Variants in ECSCR observed in about 807,000 individuals in gnomAD.
ECSCR encodes endothelial cell-specific chemotaxis regulator.
ECSCR carries 12 observed loss-of-function variants against 16.7 expected under a neutral mutation model. That is an observed-to-expected ratio of 0.72 (90% CI 0.46 to 1.17). The LOEUF (loss-of-function observed/expected upper bound fraction) is 1.17. Among genes scored for constraint, ECSCR ranks in the 50% most tolerant of loss-of-function variants. ECSCR has a pLI of 0.00. For missense variants in ECSCR, 122 were observed against 116.1 expected (o/e 1.05, Z -0.23); for synonymous variants, 44 against 42.2 (o/e 1.04, Z -0.17).
chr5:139,460,132 TG>T (rs1751262208), intron 1 of ECSCR, among the ~76,000 whole-genome samples: 1 of 150,692 alleles, frequency 6.6e-6, no homozygotes. Flanking sequence ...ATGTATTTTT[TG>T]TTTTTTTTTT....
At chr5:139,451,374 T>TA (rs1368838613) in intron 8 of ECSCR, among the ~76,000 whole-genome samples, 1 of 150,412 alleles carries the variant, frequency 6.6e-6, no homozygotes, top group East Asian at 1.9e-4. Flanking sequence ...ATGTGTTTTT[T>TA]ATGTGGTGTG....
chr5:139,454,063 G>GAAGTGTA, intron 8 of ECSCR, among the ~76,000 whole-genome samples: 1 of 146,560 alleles, frequency 6.8e-6, no homozygotes. Context: ...TGTGTGTAGT[G>GAAGTGTA]GGGTGTGTGG....
At chr5:139,461,489 G>A (rs1751302390) in intron 1 of ECSCR, among the ~76,000 whole-genome samples, 1 of 152,164 alleles carries the variant, frequency 6.6e-6, no homozygotes, top group South Asian at 2.1e-4. Context: ...CCGACACAGG[G>A]CATTTGAGAG....
In ECSCR at chr5:139,457,760, G is replaced by A. The variant is rs1024419719; in HGVS notation, c.154C>T (p.Pro52Ser). The change falls in exon 3 of 10, where the codon CCA becomes TCA. Residue 52 changes from proline to serine, a missense_variant. Physicochemically the swap from Pro to Ser is moderately conservative, Grantham distance 74. Transcript: ENST00000618155. ...SLTTEPVSSN[P>S]GYIPSSEANR... ...CTCAGCAACCACACTCACTCACCTG[G>A]GTTGGAAGAAACTGGCTCTGTGGTC... The A allele has an allele frequency of 1.9e-6, 3 of 1,612,972 alleles. No homozygotes were observed. The highest frequency in any genetic ancestry group is 2.5e-6 in the Non-Finnish European group (3 of 1,179,470).
At chr5:139,452,352 G>GGTGTGGT (rs1751079602) in intron 8 of ECSCR, among the ~76,000 whole-genome samples, 1 of 151,204 alleles carries the variant, frequency 6.6e-6, no homozygotes, top group East Asian at 2.0e-4. Context: ...ATGTGTGTGG[G>GGTGTGGT]GTGTGGTGTG....
chr5:139,458,278 G>A, intron 1 of ECSCR, 95 bp from the exon 2 acceptor site: 1 of 1,206,880 alleles, frequency 8.3e-7, no homozygotes, highest in South Asian at 1.4e-5. Flanking sequence ...CCCAGCCTGG[G>A]CAACATAGCA....
chr5:139,450,019 C>T (rs1307782326), intron 8 of ECSCR, among the ~76,000 whole-genome samples: 1 of 151,994 alleles, frequency 6.6e-6, no homozygotes, highest in Admixed American at 6.5e-5. Flanking sequence ...CTCAGCTTCC[C>T]GAGTAGCTGG....
At chr5:139,458,990 A>G (rs1388904995) in intron 1 of ECSCR, among the ~76,000 whole-genome samples, 1 of 152,190 alleles carries the variant, frequency 6.6e-6, no homozygotes, top group Non-Finnish European at 1.5e-5. Context: ...CTGTGACTCA[A>G]TAGCAACATC....
intron 3 of ECSCR, 26 bp downstream of exon 3, chr5:139,457,731 G>A (rs1182175994): frequency 1.2e-6 from 2 of 1,613,310 alleles, no homozygotes; most frequent in South Asian, 1.1e-5. Context: ...GCAGGAGCAG[G>A]GACCTCAGCA....
rs975586071 is a variant in ECSCR, at chr5:139,455,453, T to G, written c.263-17A>C. On this transcript the variant is annotated splice_polypyrimidine_tract_variant and intron_variant, in intron 5 of 9. Transcript: ENST00000618155. ...GAAATGTGTCTAAAATGGAGTGGAG[T>G]CAGGGGCATCAGCGAAGGGGACTGA... The G allele has an allele frequency of 7.5e-6, 3 of 397,808 alleles. No individual in the cohort carries two copies. Among genetic ancestry groups the G allele is most frequent in the Non-Finnish European group, 1.3e-5 (3 of 225,774 alleles). The allele number at this position is 397,808 out of a possible 1,614,324, so 24.6% of individuals were successfully genotyped here.
At chr5:139,451,798 G>C (rs1332787051) in intron 8 of ECSCR, among the ~76,000 whole-genome samples, 3 of 148,966 alleles carry the variant, frequency 2.0e-5, no homozygotes, top group Non-Finnish European at 1.5e-5. Context: ...GGGTGGGTAT[G>C]GTGTGGGTGG....
At position 139,457,642 on chromosome 5, in the gene ECSCR, G is replaced by T. The variant is rs1329702855; in HGVS notation, c.158-38C>A. 9 of 1,143,110 alleles carry T rather than the reference G, an allele frequency of 7.9e-6. No individual in the cohort carries two copies. In the East Asian group the frequency reaches 1.4e-4, roughly 18 times the overall value. The allele number at this position is 1,143,110 out of a possible 1,614,324, so 70.8% of individuals were successfully genotyped here. ...AGGCAGATAGGGAGTGGGAGGTGGG[G>T]TAGGTTTGGTGACACCACACTCCCT... On this transcript the variant is annotated intron_variant, in intron 3 of 9. Coordinates refer to ENST00000618155, the MANE Select transcript of ECSCR (RefSeq NM_001077693.4).
At chr5:139,458,101 G>A (rs1561476404) in intron 2 of ECSCR, 38 bp downstream of exon 2, 6 of 1,540,400 alleles carry the variant, frequency 3.9e-6, no homozygotes, top group South Asian at 1.2e-5. Flanking sequence ...AAGCTCCTAG[G>A]CCTACACGCT....
chr5:139,456,273 AG>A (rs1751157415), intron 5 of ECSCR, among the ~76,000 whole-genome samples, 200 bp downstream of exon 5: 1 of 152,194 alleles, frequency 6.6e-6, no homozygotes, highest in African/African-American at 2.4e-5. Flanking sequence ...AACAAAAAAA[AG>A]GTGCTATGTC....
At chr5:139,456,258 T>C (rs1008344668) in intron 5 of ECSCR, among the ~76,000 whole-genome samples, 12 of 150,116 alleles carry the variant, frequency 8.0e-5, no homozygotes, top group Non-Finnish European at 1.3e-4. Context: ...ACAAGACTCC[T>C]TCTCAACAAA....
In ECSCR at chr5:139,454,850, C is replaced by T; in HGVS notation, c.450G>A (p.Lys150=). 1 of 398,778 alleles carries T rather than the reference C, an allele frequency of 2.5e-6. No homozygotes were observed. The highest frequency in any genetic ancestry group is 3.6e-5 in the East Asian group (1 of 28,068). The allele number at this position is 398,778 out of a possible 1,614,324, so 24.7% of individuals were successfully genotyped here. ...ILVGVVSLRF[K]CRKSKESEDP... ...CTTCAGACTCCTTGCTCTTCCGACA[C>T]TTGAACCTCAGGCTGACCACACCAA... The change falls in exon 7 of 10, where the codon AAG becomes AAA. Residue 150 remains lysine (K), a synonymous_variant. Transcript: ENST00000618155.
chr5:139,450,619 T>C (rs1257401687), intron 8 of ECSCR, among the ~76,000 whole-genome samples: 2 of 147,212 alleles, frequency 1.4e-5, no homozygotes, highest in East Asian at 4.1e-4. Context: ...CTACTAAAAA[T>C]ACAAAAATTA....
Position 139,462,736 on chromosome 5 carries a change from G to T in ECSCR, c.-66C>A. ...GGCTCTGTCCATAGTGGAGAAGAGA[G>T]AGGGAGTGCTGGGGCGGGATGGGGG... On this transcript the variant is annotated 5_prime_UTR_variant, in exon 1 of 10. Coordinates refer to ENST00000618155, the MANE Select transcript of ECSCR (RefSeq NM_001077693.4). 1 of 1,203,380 alleles carries T rather than the reference G, an allele frequency of 8.3e-7. No homozygotes were observed. Among genetic ancestry groups the T allele is most frequent in the South Asian group, 1.3e-5 (1 of 77,394 alleles). 74.5% of individuals were successfully genotyped at this position (1,203,380 alleles called of 1,614,324 possible).
At position 139,457,741 on chromosome 5, in the gene ECSCR, A is replaced by C. The variant is rs776847677; in HGVS notation, c.157+16T>G. 6.2e-7 allele frequency: 1 copy of C among 1,613,268 alleles called. No homozygotes were observed. Among genetic ancestry groups the C allele is most frequent in the African/African-American group, 1.3e-5 (1 of 74,896 alleles). On this transcript the variant is annotated intron_variant, in intron 3 of 9. Coordinates refer to ENST00000618155, the MANE Select transcript of ECSCR (RefSeq NM_001077693.4). ...GTGGGGCAGGAGCAGGGACCTCAGC[A>C]ACCACACTCACTCACCTGGGTTGGA...
Sources: allele counts gnomAD v4.1 joint callset (sites outside exome capture counted in the v4.1 genomes callset), GRCh38; gene constraint gnomAD v4.1.1; transcripts MANE v1.5; gene names NCBI Gene and HGNC (gene_info 2026-07-23, HGNC 2026-07-21).